Variants in STPG2 observed in about 807,000 individuals in gnomAD.
STPG2 encodes sperm-tail PG-rich repeat-containing protein 2.
STPG2 carries 56 observed loss-of-function variants against 54.2 expected under a neutral mutation model. That is an observed-to-expected ratio of 1.03 (90% CI 0.83 to 1.29). The LOEUF is 1.29. Ranked by LOEUF, STPG2 falls within the 50% of genes most tolerant of loss-of-function variation. The pLI, the probability that STPG2 is intolerant of heterozygous loss-of-function variation, is 0.00. For synonymous variants in STPG2, 200 were observed against 181.8 expected (o/e 1.10, Z -0.81); for missense variants, 596 against 544.9 (o/e 1.09, Z -0.93).
At chr4:97,807,247 T>C (rs1679354532) in intron 9 of STPG2, among the ~76,000 whole-genome samples, 1 of 151,876 alleles carries the variant, frequency 6.6e-6, no homozygotes, top group Non-Finnish European at 1.5e-5. Flanking sequence ...AATATGTTTA[T>C]TTACTCATTT....
At chr4:97,904,140 G>A (rs889243082) in intron 8 of STPG2, among the ~76,000 whole-genome samples, 10 of 152,210 alleles carry the variant, frequency 6.6e-5, no homozygotes, top group African/African-American at 2.4e-4. Context: ...CTCCACCTCT[G>A]GGGGCAGGGC....
intron 5 of STPG2, among the ~76,000 whole-genome samples, chr4:98,046,823 A>C (rs1737144177): frequency 6.6e-6 from 1 of 152,172 alleles, no homozygotes; most frequent in Non-Finnish European, 1.5e-5. Context: ...CCTGGCTTCC[A>C]TCTGCTCTCA....
intron 8 of STPG2, among the ~76,000 whole-genome samples, chr4:97,907,586 C>T (rs1731489046): frequency 1.3e-5 from 2 of 152,040 alleles, no homozygotes; most frequent in Non-Finnish European, 2.9e-5. Context: ...AAGAACAAAG[C>T]TGGAGGCATC....
intron 10 of STPG2, among the ~76,000 whole-genome samples, chr4:97,602,859 C>A (rs999419357): frequency 2.6e-5 from 4 of 151,464 alleles, no homozygotes; most frequent in Non-Finnish European, 3.0e-5. Flanking sequence ...CCATTTTTAA[C>A]CAGAAAATGT....
intron 10 of STPG2, among the ~76,000 whole-genome samples, chr4:97,695,923 C>T (rs978811267): frequency 7.2e-5 from 11 of 152,120 alleles, no homozygotes; most frequent in African/African-American, 2.7e-4. Context: ...AATGACCACA[C>T]TGCCAAAGCA....
At chr4:97,876,311 A>G (rs2149160265) in intron 8 of STPG2, among the ~76,000 whole-genome samples, 1 of 152,182 alleles carries the variant, frequency 6.6e-6, no homozygotes, top group Non-Finnish European at 1.5e-5. Context: ...TTTTTTATAT[A>G]GCAAATCAAA....
intron 10 of STPG2, among the ~76,000 whole-genome samples, chr4:97,690,016 G>A (rs1046886204): frequency 2.0e-5 from 3 of 151,940 alleles, no homozygotes; most frequent in Admixed American, 6.6e-5. Context: ...CAGAGTTCAG[G>A]GGACTGAAAA....
intron 4 of STPG2, among the ~76,000 whole-genome samples, chr4:97,494,519 T>C (rs1730566686): frequency 6.6e-6 from 1 of 151,578 alleles, no homozygotes; most frequent in South Asian, 2.1e-4. Context: ...CTTGTCTTTG[T>C]CTCCACATTA....
rs535910624 is a variant in STPG2 at position 97,523,852 on chromosome 4, ATATC to A, written c.462+188843_462+188846del. On this transcript the variant is annotated intron_variant, in intron 4 of 4. Transcript: ENST00000522676. ...ATGCTGGCAAAACAATGCCAAATAA[ATATC>A]TATTATTACAGATGCTGAGGGCATA... is the stretch of plus-strand genomic sequence containing the variant. Among the ~76,000 whole-genome samples the A allele has an allele frequency of 4.1e-3, 631 of 152,140 alleles. 3 individuals carry two copies. Among genetic ancestry groups the A allele is most frequent in the South Asian group, 0.02 (97 of 4,824 alleles).
intron 5 of STPG2, among the ~76,000 whole-genome samples, chr4:98,076,060 T>C (rs901638977): frequency 1.4e-4 from 21 of 152,044 alleles, no homozygotes; most frequent in Admixed American, 1.2e-3. Context: ...CTGGCTAACA[T>C]GGTGAAACTC....
At chr4:97,902,361 A>C (rs1196972111) in intron 8 of STPG2, among the ~76,000 whole-genome samples, 1 of 152,154 alleles carries the variant, frequency 6.6e-6, no homozygotes, top group Non-Finnish European at 1.5e-5. Context: ...CAAAACAAAA[A>C]GGCAACCTAC....
chr4:97,960,049 A>C (rs2149247289), intron 7 of STPG2, among the ~76,000 whole-genome samples: 1 of 152,296 alleles, frequency 6.6e-6, no homozygotes, highest in Non-Finnish European at 1.5e-5. Flanking sequence ...TAATATATGC[A>C]AGTCAATAAT....
At position 97,477,865 on chromosome 4, in the gene STPG2, G is replaced by C. The variant is rs978516602; in HGVS notation, c.462+234834C>G. ...CTACTATTGCTTTTCTATATCCTTT[G>C]ACAAATCTTATCCCTAGTTTACATT... On this transcript the variant is annotated intron_variant, in intron 4 of 4. Coordinates refer to the STPG2 transcript ENST00000522676. Among the ~76,000 whole-genome samples, 4 of 151,922 alleles carry C rather than the reference G, an allele frequency of 2.6e-5. No homozygotes were observed. In the South Asian group the frequency reaches 8.3e-4, roughly 32 times the overall value.
intron 4 of STPG2, among the ~76,000 whole-genome samples, chr4:97,459,601 G>A (rs1004714171): frequency 1.3e-5 from 2 of 151,944 alleles, no homozygotes; most frequent in Non-Finnish European, 2.9e-5. Flanking sequence ...CACCATGGCC[G>A]GCTAATTTTT....
intron 4 of STPG2, among the ~76,000 whole-genome samples, chr4:97,540,187 G>T (rs181700648): frequency 2.0e-5 from 3 of 152,022 alleles, no homozygotes; most frequent in Admixed American, 6.6e-5. Flanking sequence ...AATCCAGGAG[G>T]TGGTTTTTTG....
intron 10 of STPG2, among the ~76,000 whole-genome samples, chr4:97,703,653 A>C (rs954988688): frequency 1.5e-5 from 2 of 135,094 alleles, no homozygotes; most frequent in African/African-American, 6.2e-5. Flanking sequence ...AAACATATAT[A>C]AATAAAACAT....
At chr4:97,641,886 A>G (rs563866833) in intron 10 of STPG2, among the ~76,000 whole-genome samples, 54 of 151,696 alleles carry the variant, frequency 3.6e-4, no homozygotes, top group African/African-American at 1.0e-3. Flanking sequence ...ACTGTCATCA[A>G]TACCTGGAGC....
chr4:97,727,258 A>G (rs1724654701), intron 9 of STPG2, among the ~76,000 whole-genome samples: 1 of 152,036 alleles, frequency 6.6e-6, no homozygotes, highest in East Asian at 1.9e-4. Flanking sequence ...TCATGATTCC[A>G]TATTAGTTTT....
chr4:97,660,066 A>G (rs1371886961), intron 10 of STPG2, among the ~76,000 whole-genome samples: 1 of 150,436 alleles, frequency 6.6e-6, no homozygotes, highest in African/African-American at 2.4e-5. Context: ...GCAGTGGCGC[A>G]ATCTCAGCTC....
Sources: gnomAD v4.1 joint callset for allele counts (sites outside exome capture counted in the v4.1 genomes callset) on GRCh38, gnomAD v4.1.1 for gene constraint, MANE v1.5 for transcripts, NCBI Gene and HGNC (gene_info 2026-07-23, HGNC 2026-07-21) for gene names.